OXTR: variants seen among roughly 807,000 people sequenced by gnomAD.
OXTR encodes oxytocin receptor.
A neutral mutation model predicts 23.9 loss-of-function variants in OXTR; 19 were observed. The observed-to-expected ratio is 0.80, with a 90% CI of 0.56 to 1.17. The LOEUF is 1.17. Ranked by LOEUF, OXTR falls within the 50% of genes most tolerant of loss-of-function variation. OXTR has a pLI of 0.00. For synonymous variants in OXTR, 278 were observed against 250.5 expected (o/e 1.11, Z -1.04); for missense variants, 500 against 550.7 (o/e 0.91, Z 0.92).
chr3:8,767,463 T>TAGG lies in OXTR; in HGVS notation c.724_725insCCT (p.Glu242delinsAlaTer). 1 of 1,600,550 alleles carries TAGG rather than the reference T, an allele frequency of 6.2e-7. No individual in the cohort carries two copies. On this transcript the variant is annotated stop_gained and protein_altering_variant, in exon 3 of 4. Transcript: ENST00000316793. LOFTEE classifies it high-confidence loss of function. The stretch of plus-strand genomic sequence containing the variant: ...GCCAGCCGCCGCGCCCTCTGGCGCC[T>TAGG]CGGCCGCCGCCGCTGCAGCGGTCTT...
At chr3:8,763,930 C>T (rs1164399925) in intron 3 of OXTR, among the ~76,000 whole-genome samples, 2 of 152,112 alleles carry the variant, frequency 1.3e-5, no homozygotes, top group African/African-American at 4.8e-5. Flanking sequence ...CTTCTCCCTA[C>T]TGCCTGCTTT....
In OXTR at chr3:8,752,965, C is replaced by G. The variant is rs1471266128; in HGVS notation, c.*12G>C. 6.2e-7 allele frequency: 1 copy of G among 1,607,184 alleles called. No homozygotes were observed. The highest frequency in any genetic ancestry group is 8.5e-7 in the Non-Finnish European group (1 of 1,175,814). On this transcript the variant is annotated 3_prime_UTR_variant, in exon 4 of 4. Coordinates refer to ENST00000316793, the MANE Select transcript of OXTR (RefSeq NM_000916.4). ...TGAGCCTCAGGCTGCAGCCCTGGCC[C>G]TGGCTGGTGGGTCACGCCGTGGATG... is the stretch of plus-strand genomic sequence containing the variant.
At position 8,752,930 on chromosome 3, in the gene OXTR, C is replaced by T; in HGVS notation, c.*47G>A. 1 of 1,570,440 alleles carries T rather than the reference C, an allele frequency of 6.4e-7. No individual in the cohort carries two copies. The highest frequency in any genetic ancestry group is 8.6e-7 in the Non-Finnish European group (1 of 1,158,184). On this transcript the variant is annotated 3_prime_UTR_variant, in exon 4 of 4. Coordinates refer to ENST00000316793, the MANE Select transcript of OXTR (RefSeq NM_000916.4). ...TCACCTAGGAGCAGAGCACTTATGC[C>T]AGCACAGCCTGAGCCTCAGGCTGCA...
At chr3:8,744,571 T>C in the OXTR span, among the ~76,000 whole-genome samples, 8 of 149,994 alleles carry the variant, frequency 5.3e-5, no homozygotes, top group African/African-American at 2.0e-4. Flanking sequence ...ATTGACTCCA[T>C]CTTACAGACA....
At chr3:8,763,902 A>G (rs1276413277) in intron 3 of OXTR, among the ~76,000 whole-genome samples, 1 of 152,110 alleles carries the variant, frequency 6.6e-6, no homozygotes, top group Non-Finnish European at 1.5e-5. Flanking sequence ...TATTATTGTA[A>G]TAGTTTTTTT....
chr3:8,763,552 A>C (rs1240811495), intron 3 of OXTR, among the ~76,000 whole-genome samples: 1 of 152,204 alleles, frequency 6.6e-6, no homozygotes, highest in East Asian at 1.9e-4. Flanking sequence ...CCAGGGTCAG[A>C]GCCCCTGCAA....
At chr3:8,747,306 T>C (rs1197408243), downstream of OXTR, among the ~76,000 whole-genome samples, 2 of 152,182 alleles carry the variant, frequency 1.3e-5, no homozygotes, top group Non-Finnish European at 2.9e-5. Flanking sequence ...CTAATGTGCA[T>C]TTTGGCTCCA....
downstream of OXTR, among the ~76,000 whole-genome samples, chr3:8,748,209 C>T (rs968072887): frequency 6.6e-6 from 1 of 152,198 alleles, no homozygotes; most frequent in African/African-American, 2.4e-5. Context: ...AGCATGTTAA[C>T]ACAAACTCAT....
At chr3:8,762,413 T>C (rs1197377887) in intron 3 of OXTR, among the ~76,000 whole-genome samples, 1 of 152,184 alleles carries the variant, frequency 6.6e-6, no homozygotes, top group African/African-American at 2.4e-5. Context: ...AACATTAACA[T>C]TAGCTAAGAA....
At chr3:8,756,080 G>A (rs112808752) in intron 3 of OXTR, among the ~76,000 whole-genome samples, 5 of 152,260 alleles carry the variant, frequency 3.3e-5, no homozygotes, top group African/African-American at 7.2e-5. Context: ...GCAGGTGAGC[G>A]ACTACGGATT....
chr3:8,756,559 G>A (rs1332493781), intron 3 of OXTR, among the ~76,000 whole-genome samples: 1 of 152,212 alleles, frequency 6.6e-6, no homozygotes, highest in Non-Finnish European at 1.5e-5. Context: ...GGGACAGAGA[G>A]CAACTTCCCT....
Position 8,768,921 on chromosome 3 carries a change from T to C in OXTR, c.-239+310A>G, listed in dbSNP as rs892048558. 6.6e-6 allele frequency among the ~76,000 whole-genome samples: 1 copy of C among 152,102 alleles called. No individual in the cohort carries two copies. The highest frequency in any genetic ancestry group is 1.5e-5 in the Non-Finnish European group (1 of 68,026). On this transcript the variant is annotated intron_variant, in intron 1 of 3. Coordinates refer to ENST00000316793, the MANE Select transcript of OXTR (RefSeq NM_000916.4). This position sits in a 1 kb window ranked among gnomAD's most constrained non-coding sequence, Gnocchi z 5.4. ...GGTGGAAACCCGGTTCTGCAGTCCC[T>C]GCTGGGGGAACCCCTGCCTCAAAGC...
At position 8,754,780 on chromosome 3, in the gene OXTR, G is replaced by T. The variant is rs533349662; in HGVS notation, c.923-1556C>A. Among the ~76,000 whole-genome samples the T allele has an allele frequency of 2.0e-5, 3 of 152,280 alleles. No homozygotes were observed. The East Asian group carries it at 5.8e-4, about 29-fold the overall frequency. On this transcript the variant is annotated intron_variant, in intron 3 of 3. Transcript: ENST00000316793. ...CCCAGAATTACCCTCTGGAGGTAGGGCTCAGGAATGTTGTAATTCTAATGC... is the reference window on the plus strand; with the variant it reads ...CCCAGAATTACCCTCTGGAGGTAGGTCTCAGGAATGTTGTAATTCTAATGC...
At chr3:8,762,452 T>C (rs1708509150) in intron 3 of OXTR, among the ~76,000 whole-genome samples, 1 of 152,212 alleles carries the variant, frequency 6.6e-6, no homozygotes, top group Non-Finnish European at 1.5e-5. Context: ...TACTTAATCA[T>C]ATAAGTGTCT....
rs1023519180 is a variant in OXTR at position 8,752,463 on chromosome 3, C to A, written c.*514G>T. The A allele has an allele frequency of 6.5e-6, 1 of 154,914 alleles. No individual in the cohort carries two copies. The highest frequency in any genetic ancestry group is 2.4e-5 in the African/African-American group (1 of 41,430). 9.6% of individuals were successfully genotyped at this position (154,914 alleles called of 1,614,324 possible). A position where few individuals can be genotyped will look rare whatever the true frequency, so the allele number is the denominator to read the frequency against. ...ACAAGGTAATCCCCTTCTCTTAGGGCTACCCTCTGACAAGCTGGTCCCCAA... is the reference window on the plus strand; with the variant it reads ...ACAAGGTAATCCCCTTCTCTTAGGGATACCCTCTGACAAGCTGGTCCCCAA... On this transcript the variant is annotated 3_prime_UTR_variant, in exon 4 of 4. Transcript: ENST00000316793.
chr3:8,757,222 G>A (rs1708391785), intron 3 of OXTR, among the ~76,000 whole-genome samples: 1 of 151,850 alleles, frequency 6.6e-6, no homozygotes, highest in South Asian at 2.1e-4. Context: ...AAAAATTAAA[G>A]ATCGTGTAAA....
In OXTR at chr3:8,767,982, T is replaced by G; in HGVS notation, c.206A>C (p.Gln69Pro). Reference sequence around the variant, plus strand: ...GAAGAAGAAGAGGCGCGAGTGCTTCTGGCGTGTGGTGCGCAGCGCCAGCAG... The same window carrying G: ...GAAGAAGAAGAGGCGCGAGTGCTTCGGGCGTGTGGTGCGCAGCGCCAGCAG... ...CVLLALRTTR[Q>P]KHSRLFFFMK... The change falls in exon 3 of 4, where the codon CAG (glutamine) becomes CCG (proline). Residue 69 changes from glutamine (Q) to proline (P), a missense_variant. By Grantham distance (76) the Gln-to-Pro change is moderately conservative. Transcript: ENST00000316793. The G allele has an allele frequency of 6.2e-7, 1 of 1,611,914 alleles. No homozygotes were observed. The highest frequency in any genetic ancestry group is 8.5e-7 in the Non-Finnish European group (1 of 1,179,306).
chr3:8,759,061 G>A (rs2300549), intron 3 of OXTR, among the ~76,000 whole-genome samples: 79,185 of 152,090 alleles, frequency 0.52, 20,942 homozygotes, highest in Admixed American at 0.6. Flanking sequence ...GACCTACTGA[G>A]TCAGAATCTG....
chr3:8,763,185 C>T (rs1403247362), intron 3 of OXTR, among the ~76,000 whole-genome samples: 1 of 152,176 alleles, frequency 6.6e-6, no homozygotes, highest in Non-Finnish European at 1.5e-5. Flanking sequence ...TCCCCGGACA[C>T]ATCACCTGCT....
Sources: allele counts gnomAD v4.1 joint callset (sites outside exome capture counted in the v4.1 genomes callset), GRCh38; gene constraint gnomAD v4.1.1; non-coding constraint Gnocchi (gnomAD v3.1); transcripts MANE v1.5; gene names NCBI Gene and HGNC (gene_info 2026-07-23, HGNC 2026-07-21).